Variants in MICOS13 observed in about 807,000 individuals in gnomAD.
MICOS13 encodes MICOS complex subunit MIC13.
Under a neutral mutation model 16.1 loss-of-function variants are expected in MICOS13, and 15 were observed. The observed-to-expected ratio is 0.93, with a 90% CI of 0.62 to 1.44. The LOEUF (loss-of-function observed/expected upper bound fraction) is 1.44, where lower values mean the gene tolerates loss of function less well. MICOS13 is among the 40% of genes most tolerant of loss of function. MICOS13 has a pLI of 0.00. For synonymous variants in MICOS13, 61 were observed against 62.6 expected (o/e 0.97, Z 0.12); for missense variants, 164 against 155.0 (o/e 1.06, Z -0.31).
rs368213307 is a variant in MICOS13, at chr19:5,678,542, G to A, written c.*9C>T. 1.9e-5 allele frequency: 30 copies of A among 1,547,906 alleles called. No individual in the cohort carries two copies. The African/African-American group carries it at 4.0e-4, about 21-fold the overall frequency. ...GTTCTGGCCGGGGCAGGCGGCCCCT[G>A]CTGACTCGCTACTTGGTGCGCGCCT... On this transcript the variant is annotated 3_prime_UTR_variant, in exon 4 of 4. Transcript: ENST00000309324.
rs935510141 is a variant in MICOS13 at position 5,678,564 on chromosome 19, G to C, written c.344C>G (p.Ala115Gly). The C allele has an allele frequency of 6.5e-6, 10 of 1,549,216 alleles. No individual in the cohort carries two copies. The highest frequency in any genetic ancestry group is 2.7e-5 in the African/African-American group (2 of 73,028). ...CCTGCTGACTCGCTACTTGGTGCGCGCCTTCACATACTCCCAGCCCTCCTT... is the reference window on the plus strand; with the variant it reads ...CCTGCTGACTCGCTACTTGGTGCGCCCCTTCACATACTCCCAGCCCTCCTT... ...YSKEGWEYVK[A>G]RTK The change falls in exon 4 of 4, where the codon GCG (alanine) becomes GGG (glycine). Residue 115 changes from alanine to glycine, a missense_variant. Physicochemically the swap from Ala to Gly is moderately conservative, Grantham distance 60. Coordinates refer to ENST00000309324, the MANE Select transcript of MICOS13 (RefSeq NM_205767.3).
At position 5,680,504 on chromosome 19, in the gene MICOS13, C is replaced by G. The variant is rs751637126; in HGVS notation, c.-18G>C. On this transcript the variant is annotated 5_prime_UTR_variant, in exon 1 of 4. Coordinates refer to ENST00000309324, the MANE Select transcript of MICOS13 (RefSeq NM_205767.3). ...GCCACCATGGTCGCTCGGATCCACG[C>G]GCAAGGACACTCGGCTCGCCCGCCG... 4.7e-5 allele frequency: 76 copies of G among 1,600,214 alleles called. 1 individual carries two copies. The South Asian group carries it at 7.8e-4, about 16-fold the overall frequency.
In MICOS13 at chr19:5,679,578, C is replaced by T. The variant is rs2054493916; in HGVS notation, c.207+8G>A. Reference sequence around the variant, plus strand: ...CCAAACCCTGGCCTCGTTCCCGGCCCGTAGTACCTGGGGTATCTGCAGGCC... The same window carrying T: ...CCAAACCCTGGCCTCGTTCCCGGCCTGTAGTACCTGGGGTATCTGCAGGCC... On this transcript the variant is annotated splice_region_variant and intron_variant, in intron 2 of 3. Transcript: ENST00000309324. 1.2e-6 allele frequency: 2 copies of T among 1,608,418 alleles called. No individual in the cohort carries two copies. The highest frequency in any genetic ancestry group is 1.1e-5 in the South Asian group (1 of 90,810).
At chr19:5,680,342 A>C in intron 1 of MICOS13, 116 bp downstream of exon 1, 1 of 1,605,914 alleles carries the variant, frequency 6.2e-7, no homozygotes, top group Non-Finnish European at 8.5e-7. Context: ...GCGGGGAACG[A>C]AGGGGAAGTG....
Position 5,680,441 on chromosome 19 carries a change from C to G in MICOS13, c.29+17G>C. 6.2e-7 allele frequency: 1 copy of G among 1,613,114 alleles called. No individual in the cohort carries two copies. Among genetic ancestry groups the G allele is most frequent in the Non-Finnish European group, 8.5e-7 (1 of 1,179,868 alleles). ...ACTTTTTCGGGGACTCGGGTCCCCT[C>G]CGGCGCCCCCACGCACCTCATCAGC... On this transcript the variant is annotated intron_variant, in intron 1 of 3. Coordinates refer to ENST00000309324, the MANE Select transcript of MICOS13 (RefSeq NM_205767.3).
chr19:5,680,311 G>T (rs1332531613), intron 1 of MICOS13, 147 bp downstream of exon 1: 1 of 1,610,002 alleles, frequency 6.2e-7, no homozygotes. Flanking sequence ...TGAAGCCTCA[G>T]TTTCCCTATC....
In MICOS13 at chr19:5,680,015, C is replaced by T. The variant is rs1382680991; in HGVS notation, c.30-252G>A. 4 of 1,501,574 alleles carry T rather than the reference C, an allele frequency of 2.7e-6. No individual in the cohort carries two copies. In the South Asian group the frequency reaches 5.0e-5, roughly 19 times the overall value. The allele number at this position is 1,501,574 out of a possible 1,614,324, so 93.0% of individuals were successfully genotyped here. On this transcript the variant is annotated intron_variant, in intron 1 of 3. Transcript: ENST00000309324. The stretch of plus-strand genomic sequence containing the variant: ...AGGGGGAGAGTGGGTCACTCAAAGT[C>T]CCACAGTGAGCAGGGGCAGTGAAGA...
chr19:5,679,490 C>T (rs2054492067), intron 2 of MICOS13, 94 bp from the exon 3 acceptor site: 1 of 1,593,266 alleles, frequency 6.3e-7, no homozygotes, highest in African/African-American at 1.3e-5. Context: ...AGAATCAGGT[C>T]AGCATCAATA....
Position 5,679,759 on chromosome 19 carries a change from G to T in MICOS13, c.34C>A (p.Leu12Ile). Reference protein sequence around the residue: ...VARVWSLMRFLIKGSVAGGAV... With the variant: ...VARVWSLMRFIIKGSVAGGAV... ...CCCCCAGCCACACTTCCCTTGATGA[G>T]GAACCTGCGGGCAGGGACGGGAGGA... is the stretch of plus-strand genomic sequence containing the variant. The change falls in exon 2 of 4, where the codon CTC becomes ATC. Residue 12 changes from leucine (L) to isoleucine (I), a missense_variant. Leu to Ile is a conservative substitution (Grantham distance 5). Transcript: ENST00000309324. 6.3e-7 allele frequency: 1 copy of T among 1,599,826 alleles called. No homozygotes were observed.
rs748850161 is a variant in MICOS13, at chr19:5,679,781, AGGAG to A, written c.30-22_30-19del. The A allele has an allele frequency of 2.0e-5, 31 of 1,576,962 alleles. No homozygotes were observed. In the Admixed American group the frequency reaches 5.8e-4, roughly 30 times the overall value. On this transcript the variant is annotated intron_variant, in intron 1 of 3. Coordinates refer to ENST00000309324, the MANE Select transcript of MICOS13 (RefSeq NM_205767.3). ...TGAGGAACCTGCGGGCAGGGACGGGAGGAGCAGAAGCTCAGCGGACACTGACAGC... is the reference window on the plus strand; with the variant it reads ...TGAGGAACCTGCGGGCAGGGACGGGACAGAAGCTCAGCGGACACTGACAGC...
chr19:5,680,304 A>C, intron 1 of MICOS13, 154 bp downstream of exon 1: 2 of 1,610,382 alleles, frequency 1.2e-6, no homozygotes, highest in Non-Finnish European at 1.7e-6. Context: ...GCCCCTCTGA[A>C]GCCTCAGTTT....
chr19:5,679,506 GACA>G, intron 2 of MICOS13, 77 bp downstream of exon 2: 1 of 1,592,840 alleles, frequency 6.3e-7, no homozygotes, highest in South Asian at 1.1e-5. Flanking sequence ...CAATATGGAG[GACA>G]ACATCGTGCA....
chr19:5,680,199 A>G (rs1195297514), intron 1 of MICOS13: 1 of 1,538,540 alleles, frequency 6.5e-7, no homozygotes, highest in South Asian at 1.2e-5. Context: ...AGAGAAGACA[A>G]CTGAGGCTCG....
Position 5,680,338 on chromosome 19 carries a change from A to G in MICOS13, c.29+120T>C, listed in dbSNP as rs773707433. The G allele has an allele frequency of 2.9e-5, 46 of 1,604,706 alleles. No individual in the cohort carries two copies. In the African/African-American group the frequency reaches 4.8e-4, roughly 17 times the overall value. ...TTCCCTATCTGGCCCATAGGCGGGG[A>G]ACGAAGGGGAAGTGACTCTAAGGGA... On this transcript the variant is annotated intron_variant, in intron 1 of 3. Coordinates refer to ENST00000309324, the MANE Select transcript of MICOS13 (RefSeq NM_205767.3).
chr19:5,680,225 A>G (rs879262778), intron 1 of MICOS13: 16 of 1,546,342 alleles, frequency 1.0e-5, no homozygotes, highest in African/African-American at 1.4e-5. Flanking sequence ...GGAGGCTGAC[A>G]CCGCGAACTG....
intron 3 of MICOS13, 109 bp from the exon 4 acceptor site, chr19:5,678,757 G>GC: frequency 1.7e-6 from 1 of 593,406 alleles, no homozygotes; most frequent in Non-Finnish European, 2.9e-6. Flanking sequence ...TGGGTGGGGG[G>GC]CGGGGATGGA....
chr19:5,680,248 T>A (rs1425342920), intron 1 of MICOS13: 1 of 1,565,322 alleles, frequency 6.4e-7, no homozygotes, highest in Middle Eastern at 1.7e-4. Flanking sequence ...CGCCAAGGGC[T>A]CGCTGGGAAG....
chr19:5,678,828 G>A (rs1263218517), intron 3 of MICOS13, 180 bp from the exon 4 acceptor site: 9 of 548,394 alleles, frequency 1.6e-5, no homozygotes, highest in Admixed American at 7.3e-5. Context: ...TGCAACCTTC[G>A]CCTCCTGGGT....
In MICOS13 at chr19:5,678,453, G is replaced by T; in HGVS notation, c.*98C>A. On this transcript the variant is annotated 3_prime_UTR_variant, in exon 4 of 4. Transcript: ENST00000309324. ...TGAAGTCCTTTATTGGGCCGGCAAG[G>T]CCGGGAGCTGCCCTCGGAGTGGGGT... is the stretch of plus-strand genomic sequence containing the variant. 8.4e-7 allele frequency: 1 copy of T among 1,189,314 alleles called. No homozygotes were observed. The highest frequency in any genetic ancestry group is 1.2e-6 in the Non-Finnish European group (1 of 836,788). The allele number at this position is 1,189,314 out of a possible 1,614,324, so 73.7% of individuals were successfully genotyped here.
Sources: gnomAD v4.1 joint callset for allele counts on GRCh38, gnomAD v4.1.1 for gene constraint, MANE v1.5 for transcripts, NCBI Gene and HGNC (gene_info 2026-07-23, HGNC 2026-07-21) for gene names.